The following TBC1D9B variants were observed in gnomAD, a reference collection of about 807,000 sequenced individuals.
The protein encoded by TBC1D9B is TBC1 domain family, member 9B (with GRAM domain).
A neutral mutation model predicts 121.1 loss-of-function variants in TBC1D9B; 87 were observed. The ratio of observed to expected loss-of-function variants is 0.72; its 90% CI spans 0.60 to 0.86. The LOEUF is 0.86. Ranked by LOEUF, TBC1D9B falls within the 40% of genes least tolerant of loss-of-function variation. The probability of loss-of-function intolerance (pLI) is 0.00; values close to 1 mark genes in which losing one functional copy is unlikely to be tolerated. For missense variants in TBC1D9B, 1,540 were observed against 1,628.6 expected, an observed-to-expected ratio of 0.95 and a Z score of 0.94; for synonymous variants, 668 against 670.1, an observed-to-expected ratio of 1.00 and a Z score of 0.05.
intron 7 of TBC1D9B, among the ~76,000 whole-genome samples, chr5:179,882,513 C>T (rs574997): frequency 2.0e-5 from 3 of 151,948 alleles, no homozygotes; most frequent in Non-Finnish European, 2.9e-5. Flanking sequence ...TATACCTGAA[C>T]GTCAGTTTGG....
chr5:179,897,699 T>C (rs1761058695), intron 3 of TBC1D9B, among the ~76,000 whole-genome samples: 1 of 152,260 alleles, frequency 6.6e-6, no homozygotes, highest in South Asian at 2.1e-4. Flanking sequence ...CTGATGCGTT[T>C]GTTGGGCCTG....
chr5:179,879,884 T>A (rs1243034018), intron 7 of TBC1D9B, 95 bp from the exon 8 acceptor site: 2 of 1,395,500 alleles, frequency 1.4e-6, no homozygotes, highest in African/African-American at 2.9e-5. Context: ...CGGGGCCCGG[T>A]GCAAGAAGGG....
intron 18 of TBC1D9B, 199 bp downstream of exon 18, chr5:179,867,579 G>A: frequency 6.6e-7 from 1 of 1,524,918 alleles, no homozygotes; most frequent in Non-Finnish European, 8.9e-7. Context: ...AGAGAAACAG[G>A]AGTGAGGACA....
chr5:179,869,831 C>T lies in TBC1D9B; in HGVS notation c.2729G>A (p.Gly910Glu), dbSNP rs74520199. The T allele has an allele frequency of 1.7e-3, 2,650 of 1,548,202 alleles. 44 individuals carry two copies. The African/African-American group carries it at 0.032, about 19-fold the overall frequency. ...CTCTGTCAGGTCCCCGTGGTACATC[C>T]CGCCTGTGGAGAAGGCCAGGGAGGG... ...NFKEFVTGMS[G>E]MYHGDLTEKL... The change falls in exon 17 of 21, where the codon GGG becomes GAG. Residue 910 changes from glycine (G) to glutamate (E), a missense_variant. Transcript: ENST00000355235.
rs890338575 is a variant in TBC1D9B, at chr5:179,872,919, G to A, written c.2388C>T (p.Ser796=). The change falls in exon 14 of 21, where the codon TCC becomes TCT. Residue 796 remains serine, a synonymous_variant. Coordinates refer to ENST00000355235, the MANE Select transcript of TBC1D9B (RefSeq NM_015043.4). ...RFKQRLKVIQ[S]LEDTAKRSVV... The stretch of plus-strand genomic sequence containing the variant: ...CACTCCTCTTGGCCGTGTCCTCCAA[G>A]GACTGGATCACTTTCAGCCTCTGTT... The A allele has an allele frequency of 4.5e-6, 7 of 1,556,424 alleles. No individual in the cohort carries two copies. In the Admixed American group the frequency reaches 1.2e-4, roughly 27 times the overall value.
At chr5:179,876,693 G>C (rs1321933564) in intron 10 of TBC1D9B, among the ~76,000 whole-genome samples, 2 of 152,202 alleles carry the variant, frequency 1.3e-5, no homozygotes, top group East Asian at 3.9e-4. Context: ...ATGAGGATGT[G>C]GAGAAATCGG....
chr5:179,867,934 C>A lies in TBC1D9B; in HGVS notation c.2792-85G>T, dbSNP rs1233128974. 7 of 1,326,602 alleles carry A rather than the reference C, an allele frequency of 5.3e-6. No homozygotes were observed. In the Admixed American group the frequency reaches 1.7e-4, roughly 32 times the overall value. The allele number at this position is 1,326,602 out of a possible 1,614,324, so 82.2% of individuals were successfully genotyped here. On this transcript the variant is annotated intron_variant, in intron 17 of 20. Transcript: ENST00000355235. ...AAGTTCCCTCCAGCCCTGGGCAGAG[C>A]CTTGCTTTCCCTGCCCACGAGCCTG...
chr5:179,888,079 T>C, intron 7 of TBC1D9B, 24 bp downstream of exon 7: 1 of 1,612,602 alleles, frequency 6.2e-7, no homozygotes, highest in Non-Finnish European at 8.5e-7. Context: ...AACTCGACCC[T>C]GCTGCTCCCA....
intron 6 of TBC1D9B, among the ~76,000 whole-genome samples, chr5:179,889,146 C>T (rs1440060421): frequency 1.3e-5 from 2 of 152,044 alleles, no homozygotes; most frequent in Non-Finnish European, 2.9e-5. Context: ...TCTCCTGCCT[C>T]AGCCTCCCAA....
Position 179,878,909 on chromosome 5 carries a change from C to CAGAGCCT in TBC1D9B, c.1567+137_1567+138insAGGCTCT, listed in dbSNP as rs370774115. The CAGAGCCT allele has an allele frequency of 1.9e-4, 235 of 1,248,948 alleles. 1 individual carries two copies. The African/African-American group carries it at 3.3e-3, about 17-fold the overall frequency. 77.4% of individuals were successfully genotyped at this position (1,248,948 alleles called of 1,614,324 possible). Reference sequence around the variant, plus strand: ...GGGCCAGAGCCCAGAGCCCAGAGCCCGGCTCCCGGCTGTGTGAAAGAGCTG... The same window carrying CAGAGCCT: ...GGGCCAGAGCCCAGAGCCCAGAGCCCAGAGCCTGGCTCCCGGCTGTGTGAAAGAGCTG... On this transcript the variant is annotated intron_variant, in intron 9 of 20. Coordinates refer to ENST00000355235, the MANE Select transcript of TBC1D9B (RefSeq NM_015043.4).
At chr5:179,873,026 C>G (rs753020689) in intron 13 of TBC1D9B, 36 bp from the exon 14 acceptor site, 4 of 1,613,740 alleles carry the variant, frequency 2.5e-6, no homozygotes, top group African/African-American at 1.3e-5. Flanking sequence ...ATCAAGCCAA[C>G]TGCAGGGCAG....
rs952297069 is a variant in TBC1D9B, at chr5:179,902,314, G to A, written c.229+2388C>T. 2.6e-5 allele frequency among the ~76,000 whole-genome samples: 4 copies of A among 152,210 alleles called. No homozygotes were observed. The highest frequency in any genetic ancestry group is 1.9e-4 in the East Asian group (1 of 5,196). On this transcript the variant is annotated intron_variant, in intron 2 of 20. Transcript: ENST00000355235. This position sits in a 1 kb window ranked among gnomAD's most constrained non-coding sequence, Gnocchi z 4.9. ...TCCAGGCCCTGCAGCTGTGTGGTCCGGCTGAAGGCCAGGCTGTGAGCTGGG... is the reference window on the plus strand; with the variant it reads ...TCCAGGCCCTGCAGCTGTGTGGTCCAGCTGAAGGCCAGGCTGTGAGCTGGG...
Position 179,879,107 on chromosome 5 carries a change from C to A in TBC1D9B, c.1507G>T (p.Ala503Ser). The A allele has an allele frequency of 6.2e-7, 1 of 1,607,856 alleles. No individual in the cohort carries two copies. ...TCAGGGATACCCTTCAGGACCAGTG[C>A]CCGCGTCTTGGCTGTGCGGTACATG... ...VCMYRTAKTR[A>S]LVLKGIPESL... Residue 503 changes from alanine to serine, a missense_variant, in exon 9 of 21, where the codon GCA becomes TCA. Ala to Ser is a moderately conservative substitution (Grantham distance 99). Coordinates refer to ENST00000355235, the MANE Select transcript of TBC1D9B (RefSeq NM_015043.4).
chr5:179,867,686 G>A (rs765238073), intron 18 of TBC1D9B, 92 bp downstream of exon 18: 5 of 1,570,236 alleles, frequency 3.2e-6, no homozygotes, highest in Non-Finnish European at 4.4e-6. Flanking sequence ...GAGCCCAGGT[G>A]GGACTGCTGG....
At chr5:179,879,903 G>T in intron 7 of TBC1D9B, 114 bp from the exon 8 acceptor site, 2 of 1,256,578 alleles carry the variant, frequency 1.6e-6, no homozygotes, top group South Asian at 1.5e-5. Flanking sequence ...GGCCATGGGG[G>T]CAAACGGTGC....
At chr5:179,905,352 A>G (rs886223406) in intron 1 of TBC1D9B, among the ~76,000 whole-genome samples, 4 of 152,230 alleles carry the variant, frequency 2.6e-5, no homozygotes, top group African/African-American at 9.6e-5. Context: ...ATTATTTTCC[A>G]TATCAAGAAC....
chr5:179,874,518 T>A lies in TBC1D9B; in HGVS notation c.2186+384A>T, dbSNP rs1446544941. 6.6e-6 allele frequency among the ~76,000 whole-genome samples: 1 copy of A among 152,146 alleles called. No homozygotes were observed. Among genetic ancestry groups the A allele is most frequent in the East Asian group, 1.9e-4 (1 of 5,184 alleles). On this transcript the variant is annotated intron_variant, in intron 12 of 20. Transcript: ENST00000355235. The surrounding 1 kb of genome is among the most constrained non-coding windows in gnomAD (Gnocchi z 4.3). ...TCCCTCCAGGGCATGGGGGCTGCAA[T>A]GCAGCTGAGCTTGGAGAGGTATGAC... is the stretch of plus-strand genomic sequence containing the variant.
chr5:179,876,471 GCC>G (rs1253757887), intron 10 of TBC1D9B, among the ~76,000 whole-genome samples: 1 of 152,206 alleles, frequency 6.6e-6, no homozygotes, highest in Non-Finnish European at 1.5e-5. Flanking sequence ...CAAGGCCAGA[GCC>G]CCACACCAAG....
At chr5:179,872,817 AC>A in intron 14 of TBC1D9B, 74 bp downstream of exon 14, 1 of 1,441,870 alleles carries the variant, frequency 6.9e-7, no homozygotes, top group Non-Finnish European at 9.7e-7. Context: ...GGAGCCCTGT[AC>A]CCACCCTGCT....
Sources: allele counts gnomAD v4.1 joint callset (sites outside exome capture counted in the v4.1 genomes callset), GRCh38; gene constraint gnomAD v4.1.1; non-coding constraint Gnocchi (gnomAD v3.1); transcripts MANE v1.5; gene names NCBI Gene and HGNC (gene_info 2026-07-23, HGNC 2026-07-21).